The following PIEZO2 variants were observed in gnomAD, a reference collection of about 807,000 sequenced individuals.
PIEZO2 encodes piezo-type mechanosensitive ion channel component 2.
PIEZO2 carries 172 observed loss-of-function variants against 337.3 expected under a neutral mutation model. That is an observed-to-expected ratio of 0.51 (90% confidence interval 0.45 to 0.58). The LOEUF is 0.58. Ranked by LOEUF, PIEZO2 falls within the 20% of genes least tolerant of loss-of-function variation. PIEZO2 has a pLI of 0.00. For synonymous variants in PIEZO2, 1,251 were observed against 1,228.5 expected, an observed-to-expected ratio of 1.02 and a Z score of -0.38; for missense variants, 3,028 against 3,391.3, an observed-to-expected ratio of 0.89 and a Z score of 2.66.
At chr18:10,825,235 G>A (rs1049372938) in intron 7 of PIEZO2, among the ~76,000 whole-genome samples, 4 of 152,080 alleles carry the variant, frequency 2.6e-5, no homozygotes, top group African/African-American at 9.7e-5. Flanking sequence ...ATGTCTCTAC[G>A]GGCACCTCTA....
intron 44 of PIEZO2, among the ~76,000 whole-genome samples, chr18:10,698,322 G>A (rs113531303): frequency 6.6e-6 from 1 of 151,264 alleles, no homozygotes; most frequent in East Asian, 1.9e-4. Context: ...CAGGAGCCCC[G>A]TAAGTACAAA....
chr18:11,077,564 A>G lies in PIEZO2; in HGVS notation c.65-11342T>C, dbSNP rs2038589032. The stretch of plus-strand genomic sequence containing the variant: ...GCATGCCTATAGTCCCAGCTACTCT[A>G]CATGGGAGACTGAGGTGGGAGGATT... On this transcript the variant is annotated intron_variant, in intron 1 of 55. Coordinates refer to ENST00000674853, the MANE Select transcript of PIEZO2 (RefSeq NM_001378183.1). This position sits in a 1 kb window ranked among gnomAD's most constrained non-coding sequence, Gnocchi z 4.8. Among the ~76,000 whole-genome samples the G allele has an allele frequency of 6.6e-6, 1 of 152,110 alleles. No individual in the cohort carries two copies. The highest frequency in any genetic ancestry group is 1.5e-5 in the Non-Finnish European group (1 of 67,988).
At chr18:11,041,677 T>C (rs2145809669) in intron 2 of PIEZO2, among the ~76,000 whole-genome samples, 1 of 152,346 alleles carries the variant, frequency 6.6e-6, no homozygotes, top group South Asian at 2.1e-4. Context: ...GTATGGTTCT[T>C]CTTAATGTAA....
Position 10,855,480 on chromosome 18 carries a change from C to A in PIEZO2, c.790G>T (p.Asp264Tyr). The A allele has an allele frequency of 6.5e-7, 1 of 1,537,026 alleles. No homozygotes were observed. Among genetic ancestry groups the A allele is most frequent in the Non-Finnish European group, 8.7e-7 (1 of 1,146,854 alleles). ...CAGAGACAGCTGAACAGCAATGGGT[C>A]GAACGTCCGGCACCAGGACCACCAG... ...CTWWSWCRTF[D>Y]PLLFSCLCVL... is the part of the protein sequence containing the mutation. The change falls in exon 7 of 56, where the codon GAC becomes TAC. Residue 264 changes from aspartate to tyrosine, a missense_variant. Transcript: ENST00000674853. The surrounding 1 kb of genome is among the most constrained non-coding windows in gnomAD (Gnocchi z 4.9).
intron 2 of PIEZO2, among the ~76,000 whole-genome samples, chr18:11,005,409 T>G (rs1457397989): frequency 6.6e-6 from 1 of 152,232 alleles, no homozygotes; most frequent in Non-Finnish European, 1.5e-5. Context: ...GAAATGTAGT[T>G]TAGCTTAACA....
intron 3 of PIEZO2, among the ~76,000 whole-genome samples, chr18:10,919,830 G>A (rs1481039070): frequency 1.3e-5 from 2 of 150,624 alleles, no homozygotes; most frequent in Non-Finnish European, 3.0e-5. Context: ...CACTAAAGTA[G>A]ATGTAGACAC....
intron 3 of PIEZO2, among the ~76,000 whole-genome samples, chr18:10,934,191 CA>C (rs1156956488): frequency 7.2e-5 from 11 of 152,116 alleles, no homozygotes; most frequent in African/African-American, 2.6e-4. Flanking sequence ...TGCTTTCATA[CA>C]AAAAAGGGAG....
rs1391473041 is a variant in PIEZO2, at chr18:11,110,868, G to C, written c.64+37657C>G. On this transcript the variant is annotated intron_variant, in intron 1 of 55. Transcript: ENST00000674853. This position sits in a 1 kb window ranked among gnomAD's most constrained non-coding sequence, Gnocchi z 4.2. ...AGGCTGGATTGTCTGTGGTCCACTG[G>C]GTCACTGCCACCCTCTCCTGAGGTC... Among the ~76,000 whole-genome samples, 1 of 152,172 alleles carries C rather than the reference G, an allele frequency of 6.6e-6. No homozygotes were observed. Among genetic ancestry groups the C allele is most frequent in the Non-Finnish European group, 1.5e-5 (1 of 68,034 alleles).
In PIEZO2 at chr18:10,671,697, T is replaced by C. The variant is rs768198271; in HGVS notation, c.8428A>G (p.Met2810Val). 1.2e-6 allele frequency: 2 copies of C among 1,613,982 alleles called. No individual in the cohort carries two copies. The highest frequency in any genetic ancestry group is 2.2e-5 in the South Asian group (2 of 91,084). Residue 2810 changes from methionine (M) to valine (V), a missense_variant, in exon 56 of 56, where the codon ATG (methionine) becomes GTG (valine). Transcript: ENST00000674853. ...TCCACATTTGGAAGCTCTTCAAACA[T>C]GATGGAGTGAGAAATCCCACTGAAG... ...EFFSGISHSI[M>V]FEELPNVDRI...
chr18:11,144,739 T>G (rs2040763003), intron 1 of PIEZO2, among the ~76,000 whole-genome samples: 2 of 152,376 alleles, frequency 1.3e-5, no homozygotes, highest in Admixed American at 1.3e-4. Flanking sequence ...TCCCCTTTTC[T>G]GCTCTGCTCT....
At chr18:11,140,404 G>C (rs2040609623) in intron 1 of PIEZO2, among the ~76,000 whole-genome samples, 2 of 152,154 alleles carry the variant, frequency 1.3e-5, no homozygotes, top group African/African-American at 4.8e-5. Context: ...TCTAAGCCCT[G>C]GAGGTACAAC....
intron 36 of PIEZO2, among the ~76,000 whole-genome samples, 190 bp downstream of exon 36, chr18:10,731,217 A>ATATATATC: frequency 7.8e-6 from 1 of 128,762 alleles, no homozygotes; most frequent in Non-Finnish European, 1.6e-5. Flanking sequence ...ATATATATAT[A>ATATATATC]TCTCCTAACT....
chr18:10,937,355 T>C (rs2032463293), intron 3 of PIEZO2, among the ~76,000 whole-genome samples: 1 of 152,152 alleles, frequency 6.6e-6, no homozygotes, highest in South Asian at 2.1e-4. Flanking sequence ...TGGAGATATG[T>C]TCTTTGGAGC....
chr18:10,772,483 T>C (rs1332655158), intron 20 of PIEZO2, among the ~76,000 whole-genome samples: 1 of 152,234 alleles, frequency 6.6e-6, no homozygotes, highest in Non-Finnish European at 1.5e-5. Context: ...GAATTCACAA[T>C]GCTCAGATAT....
intron 2 of PIEZO2, 57 bp downstream of exon 2, chr18:11,066,070 A>T: frequency 2.1e-6 from 3 of 1,405,258 alleles, no homozygotes. Context: ...CAAGGAGCCC[A>T]GCAAAATACA....
At chr18:10,995,083 A>AAAAAAAAAAGAAAG (rs1555689869) in intron 2 of PIEZO2, among the ~76,000 whole-genome samples, 7 of 59,814 alleles carry the variant, frequency 1.2e-4, no homozygotes, top group African/African-American at 3.9e-4. Context: ...GTCTCAAAAA[A>AAAAAAAAAAGAAAG]AAAAAAAAAA....
chr18:10,970,660 T>TCCCACA (rs1254875088), intron 3 of PIEZO2, among the ~76,000 whole-genome samples: 2 of 137,434 alleles, frequency 1.5e-5, no homozygotes, highest in African/African-American at 2.6e-5. Flanking sequence ...AAAAGATGTT[T>TCCCACA]CACACACACA....
At chr18:11,042,991 ATTGT>A (rs913944905) in intron 2 of PIEZO2, among the ~76,000 whole-genome samples, 5 of 152,216 alleles carry the variant, frequency 3.3e-5, no homozygotes, top group Non-Finnish European at 5.9e-5. Flanking sequence ...ATCCAAAAAA[ATTGT>A]TTGGCCATAG....
intron 44 of PIEZO2, 67 bp from the exon 45 acceptor site, chr18:10,697,947 A>C (rs1188917246): frequency 6.5e-7 from 1 of 1,531,604 alleles, no homozygotes; most frequent in Non-Finnish European, 8.8e-7. Flanking sequence ...AATATCCAAG[A>C]AGCAGAACCC....
Sources: gnomAD v4.1 joint callset for allele counts (sites outside exome capture counted in the v4.1 genomes callset) on GRCh38, gnomAD v4.1.1 for gene constraint, Gnocchi (gnomAD v3.1) non-coding constraint, MANE v1.5 for transcripts, NCBI Gene and HGNC (gene_info 2026-07-23, HGNC 2026-07-21) for gene names.